The following TSEN2 variants were observed in gnomAD, a reference collection of about 807,000 sequenced individuals.
TSEN2 encodes the protein tRNA-splicing endonuclease subunit Sen2.
In TSEN2, 54 loss-of-function variants were observed where a neutral mutation model predicts 59.2. The ratio of observed to expected loss-of-function variants is 0.91; its 90% CI spans 0.73 to 1.14. TSEN2 has a LOEUF of 1.14. Among genes scored for constraint, TSEN2 ranks in the 50% most tolerant of loss-of-function variants. The pLI, the probability that TSEN2 is intolerant of heterozygous loss-of-function variation, is 0.00. For synonymous variants in TSEN2, 195 were observed against 198.2 expected, an observed-to-expected ratio of 0.98 and a Z score of 0.14; for missense variants, 636 against 576.2, an observed-to-expected ratio of 1.10 and a Z score of -1.06.
In TSEN2 at chr3:12,505,201, C is replaced by G. The variant is rs960620663; in HGVS notation, c.879C>G (p.Ile293Met). The change falls in exon 6 of 12, where the codon ATC becomes ATG. Residue 293 changes from isoleucine (I) to methionine (M), a missense_variant. Coordinates refer to ENST00000284995, the MANE Select transcript of TSEN2 (RefSeq NM_025265.4). ...TATGCAGAAGAAATCCATATAGGAT[C>G]TTTGAGTATTTGCAACTCAGCCTAG... is the stretch of plus-strand genomic sequence containing the variant. ...RLICRRNPYR[I>M]FEYLQLSLEE... 2.5e-6 allele frequency: 4 copies of G among 1,612,280 alleles called. 1 individual carries two copies. The highest frequency in any genetic ancestry group is 2.2e-5 in the South Asian group (2 of 91,036).
chr3:12,522,534 A>G (rs796174), intron 8 of TSEN2, among the ~76,000 whole-genome samples: 61,369 of 152,062 alleles, frequency 0.4, 13,164 homozygotes, highest in African/African-American at 0.54. Context: ...CCTAAACTCT[A>G]CCTCATCTTC....
At chr3:12,500,069 G>A (rs1443953107) in intron 4 of TSEN2, among the ~76,000 whole-genome samples, 4 of 152,166 alleles carry the variant, frequency 2.6e-5, no homozygotes, top group African/African-American at 9.7e-5. Flanking sequence ...TTGCGGTCCT[G>A]GATGGTGCTG....
intron 6 of TSEN2, among the ~76,000 whole-genome samples, chr3:12,505,902 C>A (rs2054776385): frequency 6.6e-6 from 1 of 151,204 alleles, no homozygotes; most frequent in African/African-American, 2.4e-5. Context: ...GAGGTCACGT[C>A]TGCAGTGAGC....
At chr3:12,524,094 C>T (rs2056887643) in intron 8 of TSEN2, among the ~76,000 whole-genome samples, 1 of 152,054 alleles carries the variant, frequency 6.6e-6, no homozygotes, top group Non-Finnish European at 1.5e-5. Flanking sequence ...TCTTTTGTGG[C>T]TATTTTGGTT....
intron 1 of TSEN2, among the ~76,000 whole-genome samples, chr3:12,486,521 G>A (rs561458105): frequency 6.6e-6 from 1 of 152,180 alleles, no homozygotes; most frequent in African/African-American, 2.4e-5. Context: ...CCTGGGGAAT[G>A]TCTTTACTTC....
chr3:12,499,715 G>A (rs1461170554), intron 4 of TSEN2, among the ~76,000 whole-genome samples: 7 of 152,304 alleles, frequency 4.6e-5, no homozygotes, highest in African/African-American at 1.7e-4. Flanking sequence ...GCACCTTCCA[G>A]TGCTAAGTAT....
At chr3:12,503,177 C>T (rs2054473502) in intron 4 of TSEN2, 85 bp from the exon 5 acceptor site, 1 of 1,501,194 alleles carries the variant, frequency 6.7e-7, no homozygotes, top group South Asian at 1.1e-5. Flanking sequence ...TTTGGTGTGT[C>T]ACCTTCCAGT....
chr3:12,492,332 G>T, intron 3 of TSEN2, 115 bp downstream of exon 3: 1 of 840,054 alleles, frequency 1.2e-6, no homozygotes, highest in African/African-American at 1.7e-5. Flanking sequence ...TACACTGGCA[G>T]TTTTACTGCC....
chr3:12,504,420 AAAAAC>A (rs1182296719), intron 5 of TSEN2, among the ~76,000 whole-genome samples: 9 of 151,720 alleles, frequency 5.9e-5, no homozygotes, highest in Admixed American at 5.9e-4. Context: ...CATTTCTACT[AAAAAC>A]AAAAATAAAT....
upstream of TSEN2, chr3:12,484,479 C>A (rs944527574): frequency 6.6e-6 from 1 of 152,040 alleles, no homozygotes; most frequent in Admixed American, 6.5e-5. Context: ...CCACGGCCGG[C>A]GTTGCCGGGG....
rs68107346 is a variant in TSEN2, at chr3:12,516,446, A to ATG, written c.910-124_910-123dup. Among the ~76,000 whole-genome samples, 283 of 126,546 alleles carry ATG rather than the reference A, an allele frequency of 2.2e-3. 1 individual carries two copies. Among genetic ancestry groups the ATG allele is most frequent in the South Asian group, 1.0e-2 (43 of 4,316 alleles). The allele number at this position is 126,546 out of a possible 152,430, so 83.0% of individuals were successfully genotyped here. On this transcript the variant is annotated intron_variant, in intron 6 of 11. Transcript: ENST00000284995. ...TTTCAAAAACAAACAAACAAAATAT[A>ATG]TGTGTGTGTGTGTGTGTGTGTGTGT...
rs182127242 is a variant in TSEN2 at position 12,495,818 on chromosome 3, C to A, written c.272-700C>A. On this transcript the variant is annotated intron_variant, in intron 3 of 11. Transcript: ENST00000284995. ...AGGCAGAGTTAGGAAAAGACCAGGA[C>A]GAAAACCCAGACCACTGGGTGACCT... 5.3e-5 allele frequency among the ~76,000 whole-genome samples: 8 copies of A among 152,236 alleles called. No individual in the cohort carries two copies. The South Asian group carries it at 1.7e-3, about 32-fold the overall frequency.
At chr3:12,502,062 C>T (rs1477528135) in intron 4 of TSEN2, among the ~76,000 whole-genome samples, 1 of 152,118 alleles carries the variant, frequency 6.6e-6, no homozygotes, top group African/African-American at 2.4e-5. Context: ...GGAAAAGGGC[C>T]ATTTCTGTTA....
intron 10 of TSEN2, chr3:12,530,471 G>A: frequency 1.0e-6 from 1 of 985,524 alleles, no homozygotes; most frequent in Non-Finnish European, 1.2e-6. Flanking sequence ...TGCCATCAGA[G>A]ATAGGAGGGA....
chr3:12,527,107 C>T (rs1483830970), intron 8 of TSEN2, among the ~76,000 whole-genome samples: 1 of 152,228 alleles, frequency 6.6e-6, no homozygotes, highest in Non-Finnish European at 1.5e-5. Context: ...CTTTCCAGTA[C>T]ACTCCATCTC....
intron 5 of TSEN2, among the ~76,000 whole-genome samples, chr3:12,504,709 T>A (rs2054629994): frequency 6.6e-6 from 1 of 152,142 alleles, no homozygotes; most frequent in Admixed American, 6.5e-5. Context: ...AAACTTCCTT[T>A]TCCACACAAG....
chr3:12,534,803 C>CAA (rs34727253), downstream of TSEN2, among the ~76,000 whole-genome samples: 22 of 68,950 alleles, frequency 3.2e-4, no homozygotes, highest in South Asian at 1.0e-3. Context: ...GACTCTGTCT[C>CAA]AAAAAAAAAA....
intron 6 of TSEN2, among the ~76,000 whole-genome samples, chr3:12,508,101 A>AGG (rs1433119396): frequency 6.6e-6 from 1 of 152,082 alleles, no homozygotes; most frequent in African/African-American, 2.4e-5. Flanking sequence ...ATCAGTATGG[A>AGG]GGGTGGGCTG....
chr3:12,525,426 G>T (rs1401457774), intron 8 of TSEN2, among the ~76,000 whole-genome samples: 1 of 152,114 alleles, frequency 6.6e-6, no homozygotes, highest in Non-Finnish European at 1.5e-5. Flanking sequence ...TATAATAGTT[G>T]TCTGATTTAA....
Sources: allele counts gnomAD v4.1 joint callset (sites outside exome capture counted in the v4.1 genomes callset), GRCh38; gene constraint gnomAD v4.1.1; transcripts MANE v1.5; gene names NCBI Gene and HGNC (gene_info 2026-07-23, HGNC 2026-07-21).